Variants in HS6ST3 observed in about 807,000 individuals in gnomAD.
HS6ST3 encodes the protein heparan-sulfate 6-O-sulfotransferase 3.
A neutral mutation model predicts 36.7 loss-of-function variants in HS6ST3; 12 were observed. That is an observed-to-expected ratio of 0.33 (90% CI 0.21 to 0.53). HS6ST3 has a LOEUF of 0.53. HS6ST3 is among the 20% of genes least tolerant of loss of function. The pLI is 0.95. For missense variants in HS6ST3, 584 were observed against 640.9 expected, an observed-to-expected ratio of 0.91 and a Z score of 0.96; for synonymous variants, 240 against 257.5, an observed-to-expected ratio of 0.93 and a Z score of 0.65.
At chr13:96,372,444 G>T (rs1566340926) in intron 1 of HS6ST3, among the ~76,000 whole-genome samples, 1 of 151,868 alleles carries the variant, frequency 6.6e-6, no homozygotes, top group Non-Finnish European at 1.5e-5. Flanking sequence ...TTTTTATTTT[G>T]TTGATTGGTT....
At chr13:96,737,214 TAA>T (rs1594848527) in intron 1 of HS6ST3, among the ~76,000 whole-genome samples, 1 of 152,134 alleles carries the variant, frequency 6.6e-6, no homozygotes, top group Admixed American at 6.5e-5. Context: ...AAAAGAATCA[TAA>T]GAGACTATTT....
At chr13:96,335,441 T>C (rs1338963461) in intron 1 of HS6ST3, among the ~76,000 whole-genome samples, 1 of 152,192 alleles carries the variant, frequency 6.6e-6, no homozygotes, top group East Asian at 1.9e-4. Context: ...GACTGCTGGC[T>C]TTGCCCACGG....
At chr13:96,330,355 G>T (rs1390691106) in intron 1 of HS6ST3, among the ~76,000 whole-genome samples, 2 of 150,972 alleles carry the variant, frequency 1.3e-5, no homozygotes, top group Non-Finnish European at 3.0e-5. Context: ...GCTTCCTTCA[G>T]GAGCTCTTTT....
intron 1 of HS6ST3, among the ~76,000 whole-genome samples, chr13:96,759,530 C>G (rs1013074635): frequency 1.3e-5 from 2 of 151,832 alleles, no homozygotes; most frequent in Admixed American, 6.6e-5. Context: ...AGTTTCACTA[C>G]TTCATATAAA....
chr13:96,260,381 G>A (rs567751401), intron 1 of HS6ST3, among the ~76,000 whole-genome samples: 13 of 149,508 alleles, frequency 8.7e-5, no homozygotes, highest in African/African-American at 3.0e-4. Flanking sequence ...GCACAATTTC[G>A]GCTCACTGCA....
intron 1 of HS6ST3, among the ~76,000 whole-genome samples, chr13:96,168,870 C>T (rs2054173490): frequency 6.6e-6 from 1 of 152,050 alleles, no homozygotes; most frequent in Non-Finnish European, 1.5e-5. Context: ...CACCCATCAC[C>T]TGAATAGTGA....
intron 1 of HS6ST3, among the ~76,000 whole-genome samples, chr13:96,825,264 A>T (rs769074360): frequency 1.1e-4 from 17 of 152,360 alleles, no homozygotes; most frequent in South Asian, 4.1e-4. Context: ...TAGCCTCATA[A>T]ACATGAGTTT....
Position 96,592,152 on chromosome 13 carries a change from T to C in HS6ST3, c.708-240338T>C, listed in dbSNP as rs150027119. ...CATATTCATCAAGGATAATGGCCTATAGTTTTCTTTCTTTAATATGTCTTT... is the reference window on the plus strand; with the variant it reads ...CATATTCATCAAGGATAATGGCCTACAGTTTTCTTTCTTTAATATGTCTTT... On this transcript the variant is annotated intron_variant, in intron 1 of 1. Coordinates refer to ENST00000376705, the MANE Select transcript of HS6ST3 (RefSeq NM_153456.4). Among the ~76,000 whole-genome samples, 73 of 152,274 alleles carry C rather than the reference T, an allele frequency of 4.8e-4. No homozygotes were observed. In the East Asian group the frequency reaches 7.3e-3, roughly 15 times the overall value.
At chr13:96,654,843 G>A (rs1170001404) in intron 1 of HS6ST3, among the ~76,000 whole-genome samples, 1 of 152,032 alleles carries the variant, frequency 6.6e-6, no homozygotes, top group Non-Finnish European at 1.5e-5. Flanking sequence ...ATCAATTTAA[G>A]AACACACACT....
At chr13:96,673,469 C>T (rs992243073) in intron 1 of HS6ST3, among the ~76,000 whole-genome samples, 1 of 152,010 alleles carries the variant, frequency 6.6e-6, no homozygotes, top group Middle Eastern at 3.2e-3. Context: ...AGTGTTTAGT[C>T]TTCATCAATC....
At chr13:96,640,347 G>A (rs981351901) in intron 1 of HS6ST3, among the ~76,000 whole-genome samples, 2 of 151,682 alleles carry the variant, frequency 1.3e-5, no homozygotes, top group African/African-American at 4.8e-5. Context: ...CCTGTTTGTT[G>A]GCTGCTTATA....
At chr13:96,395,275 G>C (rs1448695870) in intron 1 of HS6ST3, among the ~76,000 whole-genome samples, 1 of 152,188 alleles carries the variant, frequency 6.6e-6, no homozygotes, top group Admixed American at 6.5e-5. Context: ...TCCCTGTGAA[G>C]TTTCCAGCAG....
intron 1 of HS6ST3, among the ~76,000 whole-genome samples, chr13:96,669,314 G>A (rs2056675557): frequency 6.6e-6 from 1 of 152,150 alleles, no homozygotes; most frequent in African/African-American, 2.4e-5. Context: ...CTGTGCAACT[G>A]TAAATCTAGG....
At chr13:96,138,963 T>C (rs928378941) in intron 1 of HS6ST3, among the ~76,000 whole-genome samples, 8 of 152,092 alleles carry the variant, frequency 5.3e-5, no homozygotes, top group African/African-American at 1.9e-4. Context: ...TTATACTATT[T>C]TATATTTTCT....
chr13:96,295,023 C>T (rs530951999), intron 1 of HS6ST3, among the ~76,000 whole-genome samples: 15 of 152,166 alleles, frequency 9.9e-5, no homozygotes, highest in African/African-American at 3.1e-4. Flanking sequence ...AGAAACAAAA[C>T]CACTGGATTT....
At chr13:96,259,494 T>G (rs2054653745) in intron 1 of HS6ST3, among the ~76,000 whole-genome samples, 1 of 152,162 alleles carries the variant, frequency 6.6e-6, no homozygotes, top group African/African-American at 2.4e-5. Flanking sequence ...TGGGGCTGAT[T>G]GGATGTAAAA....
intron 1 of HS6ST3, among the ~76,000 whole-genome samples, chr13:96,603,892 G>A (rs1255486328): frequency 2.6e-5 from 4 of 152,082 alleles, no homozygotes; most frequent in African/African-American, 4.8e-5. Context: ...ACTTCAGATC[G>A]GATCATGGTG....
intron 1 of HS6ST3, among the ~76,000 whole-genome samples, chr13:96,223,810 T>C (rs768187564): frequency 1.3e-5 from 2 of 152,158 alleles, no homozygotes; most frequent in South Asian, 4.1e-4. Context: ...ACCCTGATAG[T>C]TGCTAACATA....
chr13:96,280,370 A>G (rs1240641285), intron 1 of HS6ST3, among the ~76,000 whole-genome samples: 5 of 151,870 alleles, frequency 3.3e-5, no homozygotes, highest in African/African-American at 1.2e-4. Flanking sequence ...TCTCCATTCT[A>G]CGTTTATTAT....
Sources: gnomAD v4.1 joint callset for allele counts (sites outside exome capture counted in the v4.1 genomes callset) on GRCh38, gnomAD v4.1.1 for gene constraint, MANE v1.5 for transcripts, NCBI Gene and HGNC (gene_info 2026-07-23, HGNC 2026-07-21) for gene names.